The following ALKBH5 variants were observed in gnomAD, a reference collection of about 807,000 sequenced individuals.
ALKBH5 encodes RNA demethylase ALKBH5.
Under a neutral mutation model 32.1 loss-of-function variants are expected in ALKBH5, and 2 were observed. The ratio of observed to expected loss-of-function variants is 0.06; its 90% CI spans 0.03 to 0.20. The LOEUF is 0.20. Ranked by LOEUF, ALKBH5 falls within the 10% of genes least tolerant of loss-of-function variation. ALKBH5 has a pLI of 1.00. For synonymous variants in ALKBH5, 300 were observed against 231.7 expected (o/e 1.29, Z -2.68); for missense variants, 352 against 559.5 (o/e 0.63, Z 3.74).
At chr17:18,193,343 C>A (rs999349566) in intron 1 of ALKBH5, among the ~76,000 whole-genome samples, 1 of 151,916 alleles carries the variant, frequency 6.6e-6, no homozygotes, top group African/African-American at 2.4e-5. Flanking sequence ...GTCAGGAGTT[C>A]AAGACCATCC....
chr17:18,194,555 G>C (rs2047195368), intron 1 of ALKBH5, among the ~76,000 whole-genome samples: 1 of 152,190 alleles, frequency 6.6e-6, no homozygotes, highest in Non-Finnish European at 1.5e-5. Context: ...GGCAGTCCTA[G>C]CTCTCCCTGG....
intron 1 of ALKBH5, among the ~76,000 whole-genome samples, chr17:18,187,310 A>G (rs992431932): frequency 1.3e-5 from 2 of 152,002 alleles, no homozygotes; most frequent in Admixed American, 1.3e-4. Context: ...AGGAGTAGCC[A>G]TAGGTAAGAG....
chr17:18,187,833 C>T (rs951529648), intron 1 of ALKBH5, among the ~76,000 whole-genome samples: 4 of 152,114 alleles, frequency 2.6e-5, no homozygotes, highest in African/African-American at 9.7e-5. Context: ...AACAGTGGTG[C>T]GGTGCAGATG....
At chr17:18,187,919 C>A (rs777967772) in intron 1 of ALKBH5, among the ~76,000 whole-genome samples, 2 of 152,066 alleles carry the variant, frequency 1.3e-5, no homozygotes, top group African/African-American at 4.8e-5. Context: ...CCTCTAAGAC[C>A]GCATGGCAAG....
At chr17:18,206,785 T>C in intron 2 of ALKBH5, 30 bp from the exon 3 acceptor site, 1 of 1,609,308 alleles carries the variant, frequency 6.2e-7, no homozygotes, top group Non-Finnish European at 8.5e-7. Flanking sequence ...CGGAGGCCCT[T>C]TGGTGACCCC....
At chr17:18,192,350 T>C (rs2047181189) in intron 1 of ALKBH5, among the ~76,000 whole-genome samples, 1 of 152,238 alleles carries the variant, frequency 6.6e-6, no homozygotes, top group Non-Finnish European at 1.5e-5. Context: ...CAAGTAGTCA[T>C]ATAATGCTGT....
chr17:18,192,634 A>G (rs1490056884), intron 1 of ALKBH5, among the ~76,000 whole-genome samples: 1 of 152,220 alleles, frequency 6.6e-6, no homozygotes, highest in African/African-American at 2.4e-5. Flanking sequence ...ATTTGAACCC[A>G]GGTCTCTTCA....
chr17:18,207,201 A>ATCATGGCTTTC (rs1331601539), intron 3 of ALKBH5, among the ~76,000 whole-genome samples: 1 of 152,222 alleles, frequency 6.6e-6, no homozygotes, highest in Non-Finnish European at 1.5e-5. Context: ...AGATGGCAAT[A>ATCATGGCTTTC]TCATGGCTTT....
At position 18,184,445 on chromosome 17, in the gene ALKBH5, C is replaced by G; in HGVS notation, c.202C>G (p.Arg68Gly). 1 of 1,607,392 alleles carries G rather than the reference C, an allele frequency of 6.2e-7. No individual in the cohort carries two copies. Among genetic ancestry groups the G allele is most frequent in the Non-Finnish European group, 8.5e-7 (1 of 1,177,366 alleles). Reference protein sequence around the residue: ...RKYQEDSDPERSDYEEQQLQK... With the variant: ...RKYQEDSDPEGSDYEEQQLQK... ...GTATCAGGAGGACTCGGACCCCGAGCGCAGCGACTATGAGGAGCAGCAGCT... is the reference window on the plus strand; with the variant it reads ...GTATCAGGAGGACTCGGACCCCGAGGGCAGCGACTATGAGGAGCAGCAGCT... The change falls in exon 1 of 4, where the codon CGC becomes GGC. Residue 68 changes from arginine (R) to glycine (G), a missense_variant. By Grantham distance (125) the Arg-to-Gly change is moderately radical. Around this residue, in one of 4 missense-constraint regions of ALKBH5, gnomAD observed 144 missense variants for 125.8 expected, o/e 1.14. Coordinates refer to ENST00000399138, the MANE Select transcript of ALKBH5 (RefSeq NM_017758.4).
intron 1 of ALKBH5, among the ~76,000 whole-genome samples, chr17:18,192,753 G>T (rs2047184047): frequency 6.6e-6 from 1 of 151,824 alleles, no homozygotes; most frequent in Non-Finnish European, 1.5e-5. Flanking sequence ...TTCTTTTGCT[G>T]TAGTAATTCT....
intron 2 of ALKBH5, among the ~76,000 whole-genome samples, chr17:18,203,274 A>C (rs1272918432): frequency 6.6e-6 from 1 of 152,098 alleles, no homozygotes; most frequent in African/African-American, 2.4e-5. Context: ...TTGTGACTCA[A>C]GCTAGTGATT....
intron 2 of ALKBH5, among the ~76,000 whole-genome samples, chr17:18,196,740 C>T (rs1467542785): frequency 6.6e-6 from 1 of 152,140 alleles, no homozygotes; most frequent in African/African-American, 2.4e-5. Context: ...CCATACTGTA[C>T]CCTTAGGAAG....
chr17:18,201,831 A>AGAT (rs1371200077), intron 2 of ALKBH5, among the ~76,000 whole-genome samples: 1 of 106,384 alleles, frequency 9.4e-6, no homozygotes, highest in Non-Finnish European at 2.1e-5. Flanking sequence ...ATAGATAGAT[A>AGAT]GATAGATGAT....
At position 18,184,935 on chromosome 17, in the gene ALKBH5, A is replaced by G; in HGVS notation, c.692A>G (p.Lys231Arg). The G allele has an allele frequency of 6.2e-7, 1 of 1,614,068 alleles. No homozygotes were observed. The highest frequency in any genetic ancestry group is 8.5e-7 in the Non-Finnish European group (1 of 1,180,028). Residue 231 changes from lysine (K) to arginine (R), a missense_variant, in exon 1 of 4, where the codon AAG becomes AGG. This residue lies in a region of ALKBH5 where 56 missense variants were observed against 238.1 expected (regional missense o/e 0.24). Coordinates refer to ENST00000399138, the MANE Select transcript of ALKBH5 (RefSeq NM_017758.4). ...FSDSALCFGCKFQFKPIRVSE... is the reference protein window; with the variant it reads ...FSDSALCFGCRFQFKPIRVSE... ...GACTCTGCGCTGTGCTTCGGCTGCAAGTTCCAGTTCAAGCCTATTCGGGTG... is the reference window on the plus strand; with the variant it reads ...GACTCTGCGCTGTGCTTCGGCTGCAGGTTCCAGTTCAAGCCTATTCGGGTG...
At position 18,206,942 on chromosome 17, in the gene ALKBH5, C is replaced by T. The variant is rs1163702519; in HGVS notation, c.979C>T (p.Arg327Cys). ...TGCTCTGAAACCCAAGCGGTCCCAC[C>T]GCAAGGCAGACCCTGATGCTGCCCA... Reference protein sequence around the residue: ...DPALKPKRSHRKADPDAAHRP... With the variant: ...DPALKPKRSHCKADPDAAHRP... The change falls in exon 3 of 4, where the codon CGC becomes TGC. Residue 327 changes from arginine (R) to cysteine (C), a missense_variant. Around this residue, in one of 4 missense-constraint regions of ALKBH5, gnomAD observed 124 missense variants for 142.4 expected, o/e 0.87. Coordinates refer to ENST00000399138, the MANE Select transcript of ALKBH5 (RefSeq NM_017758.4). 5 of 1,614,136 alleles carry T rather than the reference C, an allele frequency of 3.1e-6. No individual in the cohort carries two copies. Among genetic ancestry groups the T allele is most frequent in the Admixed American group, 1.7e-5 (1 of 60,010 alleles).
At chr17:18,204,726 C>T (rs1226021035) in intron 2 of ALKBH5, among the ~76,000 whole-genome samples, 1 of 151,916 alleles carries the variant, frequency 6.6e-6, no homozygotes, top group African/African-American at 2.4e-5. Flanking sequence ...CCAGCCTGGG[C>T]GACAGAAGGA....
chr17:18,207,612 G>A (rs898328362), intron 3 of ALKBH5, among the ~76,000 whole-genome samples: 2 of 151,730 alleles, frequency 1.3e-5, no homozygotes, highest in Non-Finnish European at 2.9e-5. Flanking sequence ...GCAGTGACCC[G>A]AGATGGCACC....
rs2047120684 is a variant in ALKBH5, at chr17:18,184,219, A to G, written c.-25A>G. On this transcript the variant is annotated 5_prime_UTR_variant, in exon 1 of 4. Coordinates refer to ENST00000399138, the MANE Select transcript of ALKBH5 (RefSeq NM_017758.4). The stretch of plus-strand genomic sequence containing the variant: ...CCGGCTGCCCCGCCCGCCCCGGAGG[A>G]CCCTAGAGCAGCGTCGTGGGGGCCA... The G allele has an allele frequency of 6.8e-7, 1 of 1,475,182 alleles. No homozygotes were observed. Among genetic ancestry groups the G allele is most frequent in the Non-Finnish European group, 8.9e-7 (1 of 1,122,404 alleles). The allele number at this position is 1,475,182 out of a possible 1,614,324, so 91.4% of individuals were successfully genotyped here. A position where few individuals can be genotyped will look rare whatever the true frequency, so the allele number is the denominator to read the frequency against.
intron 2 of ALKBH5, among the ~76,000 whole-genome samples, chr17:18,197,238 T>G (rs2047209505): frequency 6.6e-6 from 1 of 152,236 alleles, no homozygotes; most frequent in East Asian, 1.9e-4. Flanking sequence ...GCCTCTCTTT[T>G]CTAGCCTAAG....
Sources: gnomAD v4.1 joint callset for allele counts (sites outside exome capture counted in the v4.1 genomes callset) on GRCh38, gnomAD v4.1.1 for gene constraint, gnomAD v4.1.1 regional missense constraint, MANE v1.5 for transcripts, NCBI Gene and HGNC (gene_info 2026-07-23, HGNC 2026-07-21) for gene names.